NDFIP1: variants seen among roughly 807,000 people sequenced by gnomAD.
NDFIP1 encodes the protein Nedd4 family interacting protein 1.
Under a neutral mutation model 28.8 loss-of-function variants are expected in NDFIP1, and 7 were observed. The observed-to-expected ratio is 0.24, with a 90% CI of 0.14 to 0.46. The LOEUF (loss-of-function observed/expected upper bound fraction) is 0.46, where lower values mean the gene tolerates loss of function less well. Ranked by LOEUF, NDFIP1 falls within the 20% of genes least tolerant of loss-of-function variation. NDFIP1 has a pLI of 0.99. For synonymous variants in NDFIP1, 92 were observed against 101.0 expected, an observed-to-expected ratio of 0.91 and a Z score of 0.53; for missense variants, 194 against 269.1, an observed-to-expected ratio of 0.72 and a Z score of 1.95.
intron 5 of NDFIP1, among the ~76,000 whole-genome samples, chr5:142,138,790 A>G (rs1757298719): frequency 6.6e-6 from 1 of 152,102 alleles, no homozygotes; most frequent in Non-Finnish European, 1.5e-5. Context: ...TACTTTATTA[A>G]CAAAGAAAAT....
rs745772278 is a variant in NDFIP1, at chr5:142,148,777, A to AAAAGG, written c.*3-2954_*3-2953insAAAGG. 4.2e-5 allele frequency among the ~76,000 whole-genome samples: 4 copies of AAAAGG among 95,986 alleles called. 1 individual carries two copies. The highest frequency in any genetic ancestry group is 3.4e-4 in the South Asian group (1 of 2,962). 63.0% of individuals were successfully genotyped at this position (95,986 alleles called of 152,430 possible). A position where few individuals can be genotyped will look rare whatever the true frequency, so the allele number is the denominator to read the frequency against. On this transcript the variant is annotated intron_variant, in intron 7 of 7. Transcript: ENST00000253814. ...AAAAAAAAAAAAAAAAAAAAAAAAA[A>AAAAGG]GTATGTGACTGAGGAAGCAGAAGAA...
At chr5:142,128,300 C>T (rs972961640) in intron 1 of NDFIP1, among the ~76,000 whole-genome samples, 6 of 152,102 alleles carry the variant, frequency 3.9e-5, no homozygotes, top group African/African-American at 7.2e-5. Context: ...GGAAAGAGCC[C>T]GAAGATCCCT....
intron 4 of NDFIP1, among the ~76,000 whole-genome samples, 159 bp from the exon 5 acceptor site, chr5:142,137,573 GAC>G (rs1757289409): frequency 6.6e-6 from 1 of 152,190 alleles, no homozygotes; most frequent in African/African-American, 2.4e-5. Flanking sequence ...TTTGGGGAAA[GAC>G]AGAAGAATGG....
intron 1 of NDFIP1, among the ~76,000 whole-genome samples, chr5:142,115,683 T>A (rs1420562193): frequency 6.6e-6 from 1 of 152,164 alleles, no homozygotes; most frequent in African/African-American, 2.4e-5. Flanking sequence ...TTTTTTCAAG[T>A]CATTGTTGCC....
At chr5:142,142,756 C>T (rs1397796654) in intron 6 of NDFIP1, among the ~76,000 whole-genome samples, 3 of 151,218 alleles carry the variant, frequency 2.0e-5, no homozygotes, top group Non-Finnish European at 3.0e-5. Context: ...GGTGAAACCC[C>T]GTCTCTACTA....
At chr5:142,126,758 A>G (rs1219663385) in intron 1 of NDFIP1, among the ~76,000 whole-genome samples, 1 of 152,168 alleles carries the variant, frequency 6.6e-6, no homozygotes, top group African/African-American at 2.4e-5. Context: ...GCTTAAAAAC[A>G]ACTCATTTTA....
intron 1 of NDFIP1, among the ~76,000 whole-genome samples, chr5:142,124,299 C>T (rs1025985693): frequency 6.6e-6 from 1 of 152,054 alleles, no homozygotes; most frequent in Non-Finnish European, 1.5e-5. Flanking sequence ...TTAGTGCCTT[C>T]GGGGATGAGG....
rs143778072 is a variant in NDFIP1 at position 142,140,412 on chromosome 5, C to T, written c.496-151C>T. The T allele has an allele frequency of 5.4e-3, 2,977 of 551,996 alleles. 60 individuals are homozygous for T. Among genetic ancestry groups the T allele is most frequent in the African/African-American group, 0.049 (2,425 of 49,206 alleles). 34.2% of individuals were successfully genotyped at this position (551,996 alleles called of 1,614,324 possible). ...GCAGTGAGCCGAGATCACGCCATTG[C>T]ACTTCAGCCTGGGCAACAAGAGCGA... On this transcript the variant is annotated intron_variant, in intron 5 of 7. Transcript: ENST00000253814.
At chr5:142,124,627 T>C (rs1444284734) in intron 1 of NDFIP1, among the ~76,000 whole-genome samples, 3 of 152,236 alleles carry the variant, frequency 2.0e-5, no homozygotes, top group Non-Finnish European at 4.4e-5. Context: ...TCATCTGTTA[T>C]TGTATTGACT....
chr5:142,146,219 A>G (rs976928097), intron 7 of NDFIP1, among the ~76,000 whole-genome samples: 1 of 152,202 alleles, frequency 6.6e-6, no homozygotes, highest in Non-Finnish European at 1.5e-5. Context: ...ACTAGTATTC[A>G]TTATTAAAAA....
At chr5:142,114,049 T>C (rs4912804) in intron 1 of NDFIP1, among the ~76,000 whole-genome samples, 101,934 of 151,992 alleles carry the variant, frequency 0.67, 34,489 homozygotes, top group African/African-American at 0.76. Flanking sequence ...GTCCCTGCTT[T>C]CAGTTCTTTT....
At chr5:142,142,346 G>C (rs1473953666) in intron 6 of NDFIP1, among the ~76,000 whole-genome samples, 1 of 152,018 alleles carries the variant, frequency 6.6e-6, no homozygotes, top group African/African-American at 2.4e-5. Flanking sequence ...GAGAACTTCA[G>C]TAATAAAAAT....
At chr5:142,148,440 C>T (rs1034335743) in intron 7 of NDFIP1, among the ~76,000 whole-genome samples, 30 of 152,030 alleles carry the variant, frequency 2.0e-4, no homozygotes, top group African/African-American at 7.2e-4. Flanking sequence ...TAAAGGTGTG[C>T]ACAGTGGCCA....
intron 1 of NDFIP1, among the ~76,000 whole-genome samples, chr5:142,129,350 G>A (rs751732446): frequency 5.3e-5 from 8 of 151,982 alleles, no homozygotes; most frequent in Non-Finnish European, 1.0e-4. Flanking sequence ...TTCCTAGTTC[G>A]GTGTCCCAGG....
At chr5:142,137,365 T>A (rs1757287655) in intron 4 of NDFIP1, among the ~76,000 whole-genome samples, 1 of 152,104 alleles carries the variant, frequency 6.6e-6, no homozygotes, top group Non-Finnish European at 1.5e-5. Context: ...TTTTCAGTTT[T>A]TGTAGAGATG....
At chr5:142,133,573 T>C (rs755916207) in intron 3 of NDFIP1, among the ~76,000 whole-genome samples, 4 of 152,240 alleles carry the variant, frequency 2.6e-5, no homozygotes, top group Non-Finnish European at 5.9e-5. Flanking sequence ...TTTGTTTCAC[T>C]GTACTCTGCA....
intron 1 of NDFIP1, among the ~76,000 whole-genome samples, chr5:142,113,631 A>G (rs1191653214): frequency 6.6e-6 from 1 of 152,224 alleles, no homozygotes; most frequent in Non-Finnish European, 1.5e-5. Flanking sequence ...AAGTACATTC[A>G]CATTGTTGTG....
intron 1 of NDFIP1, among the ~76,000 whole-genome samples, chr5:142,120,893 C>G (rs1216553634): frequency 1.3e-5 from 2 of 152,200 alleles, no homozygotes; most frequent in African/African-American, 4.8e-5. Context: ...ACCTCATGAC[C>G]AGGCCTGAAT....
At chr5:142,121,139 T>C (rs11750521) in intron 1 of NDFIP1, among the ~76,000 whole-genome samples, 102,227 of 152,086 alleles carry the variant, frequency 0.67, 34,677 homozygotes, top group African/African-American at 0.77. Context: ...TGGGATATAC[T>C]AATTGGTTGT....
Sources: allele counts gnomAD v4.1 joint callset (sites outside exome capture counted in the v4.1 genomes callset), GRCh38; gene constraint gnomAD v4.1.1; transcripts MANE v1.5; gene names NCBI Gene and HGNC (gene_info 2026-07-23, HGNC 2026-07-21).